Variants in ZNF534 observed in about 807,000 individuals in gnomAD.
ZNF534 encodes zinc finger protein 534, also known as KRAB domain only 3.
ZNF534 carries 19 observed loss-of-function variants against 13.6 expected under a neutral mutation model. The observed-to-expected ratio is 1.40, with a 90% confidence interval of 0.97 to 2.05. The LOEUF is 2.05. Ranked by LOEUF, ZNF534 falls within the 30% of genes most tolerant of loss-of-function variation. The pLI, the probability that ZNF534 is intolerant of heterozygous loss-of-function variation, is 0.00. For missense variants in ZNF534, 782 were observed against 796.3 expected, an observed-to-expected ratio of 0.98 and a Z score of 0.22; for synonymous variants, 244 against 273.8, an observed-to-expected ratio of 0.89 and a Z score of 1.07.
Position 52,438,836 on chromosome 19 carries a change from T to C in ZNF534, c.1376T>C (p.Ile459Thr). ...HKSSLTYHCR[I>T]HTGEKPYKCN... ...TCTTCCCTAACCTATCACTGTAGAATTCATACTGGAGAGAAGCCTTACAAA... is the reference window on the plus strand; with the variant it reads ...TCTTCCCTAACCTATCACTGTAGAACTCATACTGGAGAGAAGCCTTACAAA... Residue 459 changes from isoleucine (I) to threonine (T), a missense_variant, in exon 5 of 5, where the codon ATT (isoleucine) becomes ACT (threonine). Around this residue, in one of 5 missense-constraint regions of ZNF534, gnomAD observed 591 missense variants for 574.0 expected, o/e 1.03. Coordinates refer to ENST00000433050, the MANE Select transcript of ZNF534 (RefSeq NM_001143938.3). 6.2e-7 allele frequency: 1 copy of C among 1,612,100 alleles called. No homozygotes were observed. Among genetic ancestry groups the C allele is most frequent in the Non-Finnish European group, 8.5e-7 (1 of 1,179,044 alleles).
chr19:52,448,985 A>G (rs1295690060), intron 4 of ZNF534, among the ~76,000 whole-genome samples: 2 of 152,066 alleles, frequency 1.3e-5, no homozygotes, highest in Admixed American at 6.6e-5. Flanking sequence ...GTACCCATTA[A>G]CCTACTTCTT....
chr19:52,435,420 G>C lies in ZNF534; in HGVS notation c.271+211G>C, dbSNP rs143434297. Among the ~76,000 whole-genome samples, 25 of 152,302 alleles carry C rather than the reference G, an allele frequency of 1.6e-4. No individual in the cohort carries two copies. The East Asian group carries it at 4.8e-3, about 29-fold the overall frequency. ...CTCTGCAGAGCCACACTATTACATA[G>C]TGTTTGGGAAACTCTGCAAGTGGGT... On this transcript the variant is annotated intron_variant, in intron 4 of 4. Coordinates refer to ENST00000433050, the MANE Select transcript of ZNF534 (RefSeq NM_001143938.3).
In ZNF534 at chr19:52,438,630, CTT is replaced by C; in HGVS notation, c.1172_1173del (p.Phe391TyrfsTer10). 1 of 1,589,114 alleles carries C rather than the reference CTT, an allele frequency of 6.3e-7. No individual in the cohort carries two copies. Among genetic ancestry groups the C allele is most frequent in the Non-Finnish European group, 8.6e-7 (1 of 1,166,572 alleles). On this transcript the variant is annotated frameshift_variant, in exon 5 of 5. Transcript: ENST00000433050. LOFTEE classifies it low-confidence loss of function (END_TRUNC). ...ACAAATGTAATGAGTGTGGCAAGGT[CTT>C]TATTGGCAATTCACGCCTTGCACGA... ...PYKCNECGKV[F>X]IGNSRLARHR...
chr19:52,437,999 A>G lies in ZNF534; in HGVS notation c.539A>G (p.His180Arg), dbSNP rs755418172. Reference protein sequence around the residue: ...STLLPQEQKVHIREKPYGCNE... With the variant: ...STLLPQEQKVRIREKPYGCNE... ...TTACTCCCACAAGAACAGAAAGTAC[A>G]CATTAGGGAAAAGCCTTATGGATGT... is the stretch of plus-strand genomic sequence containing the variant. Residue 180 changes from histidine (H) to arginine (R), a missense_variant, in exon 5 of 5, where the codon CAC (histidine) becomes CGC (arginine). By Grantham distance (29) the His-to-Arg change is conservative (BLOSUM62 0). Transcript: ENST00000433050. 6.2e-7 allele frequency: 1 copy of G among 1,614,140 alleles called. No homozygotes were observed. Among genetic ancestry groups the G allele is most frequent in the Non-Finnish European group, 8.5e-7 (1 of 1,180,022 alleles).
chr19:52,451,300 C>T, exon 5 of ZNF534: 1 of 1,104,452 alleles, frequency 9.1e-7, no homozygotes, highest in East Asian at 2.5e-5. Context: ...CTCCCCTCTG[C>T]CCTCGCCCCT....
chr19:52,434,709 C>T (rs1365930185), intron 3 of ZNF534, among the ~76,000 whole-genome samples: 9 of 133,680 alleles, frequency 6.7e-5, no homozygotes, highest in Admixed American at 5.7e-4. Context: ...CAAGCCTGGG[C>T]AACAGAGTGA....
Position 52,437,930 on chromosome 19 carries a change from C to G in ZNF534, c.470C>G (p.Thr157Ser). Residue 157 changes from threonine (T) to serine (S), a missense_variant, in exon 5 of 5, where the codon ACC (threonine) becomes AGC (serine). Transcript: ENST00000433050. ...CAAATAAGTTTTTTCAGTGTCAAAA[C>G]CCATATTTTTAATAACTACAGAAAT... is the stretch of plus-strand genomic sequence containing the variant. ...PVQISFFSVK[T>S]HIFNNYRNDF... 1.2e-6 allele frequency: 2 copies of G among 1,612,642 alleles called. No individual in the cohort carries two copies. Among genetic ancestry groups the G allele is most frequent in the Non-Finnish European group, 1.7e-6 (2 of 1,179,474 alleles).
chr19:52,440,092 T>A lies in ZNF534; in HGVS notation c.*646T>A, dbSNP rs992226528. Among the ~76,000 whole-genome samples the A allele has an allele frequency of 1.3e-5, 2 of 152,098 alleles. No individual in the cohort carries two copies. Among genetic ancestry groups the A allele is most frequent in the African/African-American group, 4.8e-5 (2 of 41,406 alleles). Reference sequence around the variant, plus strand: ...TTTAAAAACAAAACAAAAAAAGTTATGAAGCCTCACAAAAGTAATAAATAT... The same window carrying A: ...TTTAAAAACAAAACAAAAAAAGTTAAGAAGCCTCACAAAAGTAATAAATAT... On this transcript the variant is annotated 3_prime_UTR_variant, in exon 5 of 5. Coordinates refer to ENST00000433050, the MANE Select transcript of ZNF534 (RefSeq NM_001143938.3).
chr19:52,433,236 CAA>C (rs1171627054), intron 2 of ZNF534, among the ~76,000 whole-genome samples: 880 of 64,654 alleles, frequency 0.014, 2 homozygotes, highest in Non-Finnish European at 0.017. Flanking sequence ...GATCCTATCT[CAA>C]AAAAAAAAAA....
chr19:52,436,668 T>C (rs897244805), intron 4 of ZNF534, among the ~76,000 whole-genome samples: 1 of 152,206 alleles, frequency 6.6e-6, no homozygotes, highest in African/African-American at 2.4e-5. Flanking sequence ...ACTGATACTT[T>C]TGAATAACTT....
At chr19:52,451,979 C>A in exon 5 of ZNF534, 2 of 329,400 alleles carry the variant, frequency 6.1e-6, no homozygotes, top group South Asian at 7.8e-5. Context: ...GAAGTCATAC[C>A]TTTTTCTTAA....
intron 3 of ZNF534, among the ~76,000 whole-genome samples, chr19:52,434,497 G>T (rs1272404590): frequency 7.1e-6 from 1 of 140,232 alleles, no homozygotes; most frequent in Non-Finnish European, 1.5e-5. Flanking sequence ...GAAATGAAAA[G>T]CATTATGCTT....
intron 4 of ZNF534, among the ~76,000 whole-genome samples, chr19:52,436,156 T>C (rs2122683380): frequency 6.6e-6 from 1 of 151,358 alleles, no homozygotes; most frequent in East Asian, 2.0e-4. Context: ...GCCAGGATGT[T>C]CTCAATCTCC....
chr19:52,432,318 AT>A (rs1224721463), intron 2 of ZNF534, among the ~76,000 whole-genome samples: 2 of 152,042 alleles, frequency 1.3e-5, no homozygotes, highest in African/African-American at 4.8e-5. Context: ...GTAACTGTCA[AT>A]TTACTTTTGA....
intron 2 of ZNF534, among the ~76,000 whole-genome samples, chr19:52,431,856 CTT>C (rs113745068): frequency 3.9e-4 from 55 of 140,076 alleles, no homozygotes; most frequent in South Asian, 2.3e-3. Flanking sequence ...TGTGGAATTC[CTT>C]TTTTTTTTTT....
At chr19:52,434,231 C>T in intron 3 of ZNF534, 150 bp downstream of exon 3, 1 of 1,202,066 alleles carries the variant, frequency 8.3e-7, no homozygotes, top group Non-Finnish European at 1.1e-6. Flanking sequence ...CGCAGTGGCT[C>T]ACGCCTGTAA....
chr19:52,438,119 G>T lies in ZNF534; in HGVS notation c.659G>T (p.Gly220Val). The T allele has an allele frequency of 6.2e-7, 1 of 1,614,044 alleles. No individual in the cohort carries two copies. Among genetic ancestry groups the T allele is most frequent in the East Asian group, 2.2e-5 (1 of 44,870 alleles). The change falls in exon 5 of 5, where the codon GGC becomes GTC. Residue 220 changes from glycine (G) to valine (V), a missense_variant. Physicochemically the swap from Gly to Val is moderately radical, Grantham distance 109. This residue lies in a region of ZNF534 where 591 missense variants were observed against 574.0 expected (regional missense o/e 1.03). Transcript: ENST00000433050. ...ADKTYKCSDC[G>V]EIFSSNSNFA... ...AAAACTTACAAATGTAGTGACTGTGGCGAGATCTTTAGTAGCAATTCAAAC... is the reference window on the plus strand; with the variant it reads ...AAAACTTACAAATGTAGTGACTGTGTCGAGATCTTTAGTAGCAATTCAAAC...
exon 5 of ZNF534, chr19:52,451,891 T>C (rs2059218792): frequency 3.2e-6 from 2 of 630,990 alleles, no homozygotes; most frequent in African/African-American, 1.8e-5. Flanking sequence ...GTTCAAGCTT[T>C]GGATGACACC....
chr19:52,438,917 A>C lies in ZNF534; in HGVS notation c.1457A>C (p.Lys486Thr), dbSNP rs746333460. 6.3e-7 allele frequency: 1 copy of C among 1,588,958 alleles called. No individual in the cohort carries two copies. The highest frequency in any genetic ancestry group is 8.6e-7 in the Non-Finnish European group (1 of 1,163,976). The change falls in exon 5 of 5, where the codon AAA becomes ACA. Residue 486 changes from lysine (K) to threonine (T), a missense_variant. Physicochemically the swap from Lys to Thr is moderately conservative, Grantham distance 78 (BLOSUM62 -1). Around this residue, in one of 5 missense-constraint regions of ZNF534, gnomAD observed 591 missense variants for 574.0 expected, o/e 1.03. Transcript: ENST00000433050. ...AATTCAAACCTTCAACGACATAGGA[A>C]AATTCATACTGGAGAGAAGCTTTAC... ...SQNSNLQRHR[K>T]IHTGEKLYKC...
Sources: gnomAD v4.1 joint callset for allele counts (sites outside exome capture counted in the v4.1 genomes callset) on GRCh38, gnomAD v4.1.1 for gene constraint, gnomAD v4.1.1 regional missense constraint, MANE v1.5 for transcripts, NCBI Gene and HGNC (gene_info 2026-07-23, HGNC 2026-07-21) for gene names.